SEPTIN2: variants seen among roughly 807,000 people sequenced by gnomAD.
SEPTIN2 encodes the protein septin 2.
SEPTIN2 carries 34 observed loss-of-function variants against 46.5 expected under a neutral mutation model. That is an observed-to-expected ratio of 0.73 (90% confidence interval 0.56 to 0.97). The LOEUF is 0.97. Ranked by LOEUF, SEPTIN2 falls within the 50% of genes least tolerant of loss-of-function variation. SEPTIN2 has a pLI of 0.00. For synonymous variants in SEPTIN2, 175 were observed against 153.4 expected (o/e 1.14, Z -1.04); for missense variants, 347 against 448.4 (o/e 0.77, Z 2.04).
At chr2:241,329,420 A>T (rs932221730) in intron 3 of SEPTIN2, among the ~76,000 whole-genome samples, 2 of 152,170 alleles carry the variant, frequency 1.3e-5, no homozygotes, top group Non-Finnish European at 2.9e-5. Context: ...TCTTACACAG[A>T]CATCTTCATG....
chr2:241,328,991 G>A (rs1046537120), intron 3 of SEPTIN2, among the ~76,000 whole-genome samples: 1 of 152,068 alleles, frequency 6.6e-6, no homozygotes, highest in Middle Eastern at 3.2e-3. Flanking sequence ...TTGCACTCCA[G>A]CCTGGGCAAC....
At chr2:241,324,644 C>T (rs1255355786) in intron 2 of SEPTIN2, 2 of 289,082 alleles carry the variant, frequency 6.9e-6, no homozygotes, top group Non-Finnish European at 1.4e-5. Context: ...TTTGGCCCCC[C>T]GAAGTGTTGG....
At chr2:241,332,833 C>G (rs2079221024) in intron 3 of SEPTIN2, among the ~76,000 whole-genome samples, 1 of 152,208 alleles carries the variant, frequency 6.6e-6, no homozygotes, top group Non-Finnish European at 1.5e-5. Context: ...GCATCAGTCT[C>G]AGAGCTTTGT....
At chr2:241,341,150 C>G (rs150027327) in intron 7 of SEPTIN2, among the ~76,000 whole-genome samples, 32 of 152,278 alleles carry the variant, frequency 2.1e-4, no homozygotes, top group African/African-American at 7.5e-4. Context: ...GGTCAGTATT[C>G]CTTAGTATTA....
intron 5 of SEPTIN2, 72 bp from the exon 6 acceptor site, chr2:241,337,309 TG>T: frequency 3.0e-6 from 4 of 1,332,212 alleles, no homozygotes; most frequent in Non-Finnish European, 4.1e-6. Flanking sequence ...CGGAGGCACT[TG>T]TTTTCCCTTT....
chr2:241,343,953 C>G, intron 9 of SEPTIN2, 56 bp downstream of exon 9: 1 of 1,600,104 alleles, frequency 6.2e-7, no homozygotes, highest in Non-Finnish European at 8.6e-7. Flanking sequence ...ATATGGATTT[C>G]AGACGGGGTG....
intron 2 of SEPTIN2, chr2:241,325,085 A>AG (rs374897387): frequency 6.6e-6 from 1 of 152,036 alleles, no homozygotes; most frequent in Non-Finnish European, 1.5e-5. Context: ...CAAAAAAAAA[A>AG]GTCATTATTT....
At position 241,324,253 on chromosome 2, in the gene SEPTIN2, C is replaced by T; in HGVS notation, c.9+12C>T. 6.2e-7 allele frequency: 1 copy of T among 1,606,372 alleles called. No homozygotes were observed. ...AAAAGATGTCTAAGGTAAGATCATA[C>T]TTCATGTATCTACAGCATAAGGAGA... On this transcript the variant is annotated intron_variant, in intron 2 of 12. Coordinates refer to ENST00000391971, the MANE Select transcript of SEPTIN2 (RefSeq NM_004404.5).
intron 3 of SEPTIN2, among the ~76,000 whole-genome samples, chr2:241,330,867 C>T (rs1255457800): frequency 1.3e-5 from 2 of 152,148 alleles, no homozygotes; most frequent in Non-Finnish European, 2.9e-5. Flanking sequence ...AAATCCAGGA[C>T]CCACTAAAGA....
chr2:241,324,211 A>G lies in SEPTIN2; in HGVS notation c.-17-5A>G, dbSNP rs371231602. On this transcript the variant is annotated splice_region_variant and splice_polypyrimidine_tract_variant and intron_variant, in intron 1 of 12. Coordinates refer to ENST00000391971, the MANE Select transcript of SEPTIN2 (RefSeq NM_004404.5). ...ATGTGTGTCTGTGTGTTTTTTTTTT[A>G]ACAGACGAAGCTTCACAAAAGATGT... 8.1e-6 allele frequency: 13 copies of G among 1,608,536 alleles called. No homozygotes were observed. The highest frequency in any genetic ancestry group is 1.3e-5 in the African/African-American group (1 of 74,360).
At chr2:241,332,093 G>A (rs2079091498) in intron 3 of SEPTIN2, among the ~76,000 whole-genome samples, 1 of 152,086 alleles carries the variant, frequency 6.6e-6, no homozygotes, top group African/African-American at 2.4e-5. Flanking sequence ...TAAATGTAAA[G>A]CTATAAAAAC....
intron 4 of SEPTIN2, chr2:241,335,600 C>T: frequency 1.7e-6 from 1 of 589,626 alleles, no homozygotes; most frequent in Non-Finnish European, 3.0e-6. Flanking sequence ...CCAGCATCCA[C>T]AAATGACTGT....
chr2:241,330,086 C>T lies in SEPTIN2; in HGVS notation c.130+3973C>T, dbSNP rs1357782973. 2.6e-5 allele frequency among the ~76,000 whole-genome samples: 4 copies of T among 152,244 alleles called. No individual in the cohort carries two copies. The East Asian group carries it at 7.7e-4, about 29-fold the overall frequency. ...GGGGAGTAAAGCCTTTAAAGAGGAGCCTCTACTTTTTACATATACACGAGC... is the reference window on the plus strand; with the variant it reads ...GGGGAGTAAAGCCTTTAAAGAGGAGTCTCTACTTTTTACATATACACGAGC... On this transcript the variant is annotated intron_variant, in intron 3 of 12. Coordinates refer to ENST00000391971, the MANE Select transcript of SEPTIN2 (RefSeq NM_004404.5).
At chr2:241,327,270 TAAAGG>T (rs2078153371) in intron 3 of SEPTIN2, among the ~76,000 whole-genome samples, 1 of 150,788 alleles carries the variant, frequency 6.6e-6, no homozygotes, top group African/African-American at 2.4e-5. Context: ...TATAATAAGA[TAAAGG>T]AAAGATACAA....
In SEPTIN2 at chr2:241,337,442, C is replaced by T. The variant is rs201342631; in HGVS notation, c.402C>T (p.Ser134=). The part of the protein sequence containing the change: ...EQFERYLHDE[S]GLNRRHIIDN... ...TTGAGAGGTACCTGCATGACGAGAG[C>T]GGCTTGAACAGGCGGCACATCATTG... The change falls in exon 6 of 13, where the codon AGC becomes AGT. Residue 134 remains serine (S), a synonymous_variant. Coordinates refer to ENST00000391971, the MANE Select transcript of SEPTIN2 (RefSeq NM_004404.5). 2.9e-5 allele frequency: 46 copies of T among 1,613,962 alleles called. 1 individual carries two copies. The East Asian group carries it at 3.3e-4, about 12-fold the overall frequency.
At chr2:241,337,889 G>A (rs2080303916) in intron 7 of SEPTIN2, 99 bp downstream of exon 7, 10 of 733,156 alleles carry the variant, frequency 1.4e-5, no homozygotes, top group Middle Eastern at 2.5e-4. Flanking sequence ...CTCAGGTGTC[G>A]GGAGGCAGGG....
At chr2:241,327,231 G>C (rs893497529) in intron 3 of SEPTIN2, among the ~76,000 whole-genome samples, 1 of 151,682 alleles carries the variant, frequency 6.6e-6, no homozygotes, top group African/African-American at 2.4e-5. Flanking sequence ...TGGCAAAGAA[G>C]AACTCTATTA....
chr2:241,320,512 G>A lies in SEPTIN2; in HGVS notation c.-17-3704G>A, dbSNP rs150462555. Among the ~76,000 whole-genome samples the A allele has an allele frequency of 5.2e-3, 797 of 152,120 alleles. 4 individuals carry two copies. The highest frequency in any genetic ancestry group is 0.018 in the African/African-American group (748 of 41,480). ...TTTGTTTTAGAAAACCAGCTTTTGC[G>A]GCCAAGCACGGTGGCTCAGGCCGGT... On this transcript the variant is annotated intron_variant, in intron 1 of 12. Coordinates refer to ENST00000391971, the MANE Select transcript of SEPTIN2 (RefSeq NM_004404.5).
intron 7 of SEPTIN2, among the ~76,000 whole-genome samples, chr2:241,340,861 C>T (rs542190457): frequency 6.6e-6 from 1 of 152,322 alleles, no homozygotes; most frequent in East Asian, 1.9e-4. Context: ...CCAGCCTCTA[C>T]TAGCTTCTTG....
Sources: gnomAD v4.1 joint callset for allele counts (sites outside exome capture counted in the v4.1 genomes callset) on GRCh38, gnomAD v4.1.1 for gene constraint, MANE v1.5 for transcripts, NCBI Gene and HGNC (gene_info 2026-07-23, HGNC 2026-07-21) for gene names.